The following MPV17L variants were observed in gnomAD, a reference collection of about 807,000 sequenced individuals.
The protein encoded by MPV17L is MPV17 mitochondrial inner membrane protein like.
Under a neutral mutation model 25.8 loss-of-function variants are expected in MPV17L, and 24 were observed. The observed-to-expected ratio is 0.93, with a 90% CI of 0.67 to 1.31. The LOEUF (loss-of-function observed/expected upper bound fraction) is 1.31. Among genes scored for constraint, MPV17L ranks in the 50% most tolerant of loss-of-function variants. The probability of loss-of-function intolerance (pLI) is 0.00; values close to 1 mark genes in which losing one functional copy is unlikely to be tolerated. For missense variants in MPV17L, 250 were observed against 265.6 expected, an observed-to-expected ratio of 0.94 and a Z score of 0.41; for synonymous variants, 102 against 115.3, an observed-to-expected ratio of 0.88 and a Z score of 0.74.
At position 15,408,811 on chromosome 16, in the gene MPV17L, GTC is replaced by G. The variant is rs1433933367; in HGVS notation, c.*702_*703del. On this transcript the variant is annotated 3_prime_UTR_variant, in exon 4 of 4. Transcript: ENST00000396385. ...CATTTGCTTTTGTTTTTGACACAGA[GTC>G]TCGCTCTGTCGCCCAGGCTGGAATG... 1 of 151,806 alleles carries G rather than the reference GTC, an allele frequency of 6.6e-6. No homozygotes were observed. Among genetic ancestry groups the G allele is most frequent in the African/African-American group, 2.4e-5 (1 of 41,302 alleles). 9.4% of individuals were successfully genotyped at this position (151,806 alleles called of 1,614,324 possible).
At position 15,411,248 on chromosome 16, in the gene MPV17L, CAAAA is replaced by C. The variant is rs1355059610; in HGVS notation, c.*3139_*3142del. On this transcript the variant is annotated 3_prime_UTR_variant, in exon 4 of 4. Coordinates refer to ENST00000396385, the MANE Select transcript of MPV17L (RefSeq NM_001128423.2). Reference sequence around the variant, plus strand: ...ATCTGTCTCAAAACAAACAAACAAACAAAAAACTGTACCCAAGTTAATTATAAGT... The same window carrying C: ...ATCTGTCTCAAAACAAACAAACAAACAACTGTACCCAAGTTAATTATAAGT... The C allele has an allele frequency of 6.6e-6, 1 of 152,312 alleles. No individual in the cohort carries two copies. Among genetic ancestry groups the C allele is most frequent in the Non-Finnish European group, 1.5e-5 (1 of 68,218 alleles). 9.4% of individuals were successfully genotyped at this position (152,312 alleles called of 1,614,324 possible). A position where few individuals can be genotyped will look rare whatever the true frequency, so the allele number is the denominator to read the frequency against.
intron 2 of MPV17L, among the ~76,000 whole-genome samples, chr16:15,405,675 G>A (rs1374776227): frequency 1.3e-5 from 2 of 151,436 alleles, no homozygotes; most frequent in South Asian, 2.1e-4. Context: ...TCAAACTCAC[G>A]ACTTCAGGTG....
In MPV17L at chr16:15,409,728, GTC is replaced by G. The variant is rs1231631803; in HGVS notation, c.*1619_*1620del. 1.3e-5 allele frequency: 2 copies of G among 152,184 alleles called. No homozygotes were observed. The highest frequency in any genetic ancestry group is 2.9e-5 in the Non-Finnish European group (2 of 68,054). 9.4% of individuals were successfully genotyped at this position (152,184 alleles called of 1,614,324 possible). On this transcript the variant is annotated 3_prime_UTR_variant, in exon 4 of 4. Coordinates refer to ENST00000396385, the MANE Select transcript of MPV17L (RefSeq NM_001128423.2). ...CCTCTTCACACGGACACGTGAGACA[GTC>G]TCCAACTCCTGGCCTCAACTGATCC... is the stretch of plus-strand genomic sequence containing the variant.
intron 3 of MPV17L, 38 bp from the exon 4 acceptor site, chr16:15,407,895 T>C (rs749554728): frequency 6.2e-7 from 1 of 1,613,540 alleles, no homozygotes; most frequent in Non-Finnish European, 8.5e-7. Flanking sequence ...AGGGCTTTGG[T>C]TTCCATGTGG....
At chr16:15,406,913 G>A (rs1477879946) in intron 2 of MPV17L, among the ~76,000 whole-genome samples, 1 of 151,832 alleles carries the variant, frequency 6.6e-6, no homozygotes, top group African/African-American at 2.4e-5. Context: ...GCGACAGAAT[G>A]AGATTCCATC....
In MPV17L at chr16:15,395,821, G is replaced by A. The variant is rs2050572710; in HGVS notation, c.-77G>A. ...CTGCTGCAGTGCAGTAGCTGCTGGA[G>A]GCTGGGGAGGCCCGGACCCGGTGCA... On this transcript the variant is annotated 5_prime_UTR_variant, in exon 1 of 4. Transcript: ENST00000396385. The A allele has an allele frequency of 1.6e-6, 2 of 1,284,156 alleles. No homozygotes were observed. Among genetic ancestry groups the A allele is most frequent in the South Asian group, 1.8e-5 (1 of 54,126 alleles). 79.5% of individuals were successfully genotyped at this position (1,284,156 alleles called of 1,614,324 possible).
chr16:15,402,542 T>G (rs2050646809), intron 2 of MPV17L, among the ~76,000 whole-genome samples: 1 of 132,062 alleles, frequency 7.6e-6, no homozygotes, highest in South Asian at 2.7e-4. Flanking sequence ...CCCCTGAGCC[T>G]CTATACTCAG....
At chr16:15,397,039 T>A (rs572752682) in intron 1 of MPV17L, among the ~76,000 whole-genome samples, 2 of 151,394 alleles carry the variant, frequency 1.3e-5, no homozygotes, top group Non-Finnish European at 2.9e-5. Flanking sequence ...CCTTAACGAG[T>A]CACAAAGGAC....
chr16:15,398,558 G>A lies in MPV17L; in HGVS notation c.311-2229G>A, dbSNP rs184390435. 7.3e-5 allele frequency among the ~76,000 whole-genome samples: 11 copies of A among 150,936 alleles called. No individual in the cohort carries two copies. The Admixed American group carries it at 7.3e-4, about 10-fold the overall frequency. ...AGATTCCTGGCCAGATTGCAGCTTTGCTTTGGTCTTCAGTTTTTCTTTTCT... is the reference window on the plus strand; with the variant it reads ...AGATTCCTGGCCAGATTGCAGCTTTACTTTGGTCTTCAGTTTTTCTTTTCT... On this transcript the variant is annotated intron_variant, in intron 1 of 3. Transcript: ENST00000396385.
At position 15,408,717 on chromosome 16, in the gene MPV17L, C is replaced by T. The variant is rs886834336; in HGVS notation, c.*605C>T. 6.6e-6 allele frequency: 1 copy of T among 151,318 alleles called. No individual in the cohort carries two copies. The highest frequency in any genetic ancestry group is 1.5e-5 in the Non-Finnish European group (1 of 68,008). 9.4% of individuals were successfully genotyped at this position (151,318 alleles called of 1,614,324 possible). A position where few individuals can be genotyped will look rare whatever the true frequency, so the allele number is the denominator to read the frequency against. ...CTCTGGGTTCAAGCAATTCTCCTGC[C>T]TCAGGCTCCTGAGTAGCTGGGATTA... On this transcript the variant is annotated 3_prime_UTR_variant, in exon 4 of 4. Coordinates refer to ENST00000396385, the MANE Select transcript of MPV17L (RefSeq NM_001128423.2).
intron 1 of MPV17L, among the ~76,000 whole-genome samples, chr16:15,398,984 T>C (rs1297207256): frequency 2.0e-5 from 3 of 152,064 alleles, no homozygotes; most frequent in Non-Finnish European, 4.4e-5. Flanking sequence ...TGCGTAAGGC[T>C]TTACATGGAA....
intron 2 of MPV17L, among the ~76,000 whole-genome samples, chr16:15,406,213 C>CAT (rs1186981068): frequency 8.6e-5 from 13 of 151,570 alleles, no homozygotes; most frequent in Non-Finnish European, 4.4e-5. Context: ...TATACATACA[C>CAT]ATATACGTAT....
chr16:15,404,192 G>T (rs2050662482), intron 2 of MPV17L, among the ~76,000 whole-genome samples: 1 of 152,198 alleles, frequency 6.6e-6, no homozygotes. Context: ...GCTGAGTACA[G>T]TTGACAATGC....
chr16:15,395,921 G>T lies in MPV17L; in HGVS notation c.24G>T (p.Leu8Phe). 7.0e-7 allele frequency: 1 copy of T among 1,430,732 alleles called. No individual in the cohort carries two copies. The allele number at this position is 1,430,732 out of a possible 1,614,324, so 88.6% of individuals were successfully genotyped here. Reference sequence around the variant, plus strand: ...ACATGGCGGGCTGGTGGCCGGCGTTGTCGCGCGCGGCCCGGCGCCACCCGT... The same window carrying T: ...ACATGGCGGGCTGGTGGCCGGCGTTTTCGCGCGCGGCCCGGCGCCACCCGT... Reference protein sequence around the residue: MAGWWPALSRAARRHPWP... With the variant: MAGWWPAFSRAARRHPWP... The change falls in exon 1 of 4, where the codon TTG becomes TTT. Residue 8 changes from leucine to phenylalanine, a missense_variant. Physicochemically the swap from Leu to Phe is conservative, Grantham distance 22. Coordinates refer to ENST00000396385, the MANE Select transcript of MPV17L (RefSeq NM_001128423.2).
intron 2 of MPV17L, among the ~76,000 whole-genome samples, chr16:15,405,561 G>A (rs2050673581): frequency 6.6e-6 from 1 of 150,574 alleles, no homozygotes. Flanking sequence ...CGACTCTCCT[G>A]CCTCAGCCTC....
At chr16:15,400,085 G>A (rs982580053) in intron 1 of MPV17L, among the ~76,000 whole-genome samples, 2 of 152,274 alleles carry the variant, frequency 1.3e-5, no homozygotes, top group African/African-American at 4.8e-5. Flanking sequence ...TTACAGGCAT[G>A]AGCCACGCGC....
At position 15,396,091 on chromosome 16, in the gene MPV17L, T is replaced by A; in HGVS notation, c.194T>A (p.Val65Glu). The A allele has an allele frequency of 6.5e-7, 1 of 1,545,458 alleles. No homozygotes were observed. Among genetic ancestry groups the A allele is most frequent in the Non-Finnish European group, 8.7e-7 (1 of 1,147,566 alleles). The change falls in exon 1 of 4, where the codon GTG becomes GAG. Residue 65 changes from valine to glutamate, a missense_variant. By Grantham distance (121) the Val-to-Glu change is moderately radical. Coordinates refer to ENST00000396385, the MANE Select transcript of MPV17L (RefSeq NM_001128423.2). ...ACCTTCCACGCCAACTTCAACTACGTGTGGCTGCGCCTGCTGGAGCGCGCG... is the reference window on the plus strand; with the variant it reads ...ACCTTCCACGCCAACTTCAACTACGAGTGGCTGCGCCTGCTGGAGCGCGCG... Reference protein sequence around the residue: ...VVTFHANFNYVWLRLLERALP... With the variant: ...VVTFHANFNYEWLRLLERALP...
intron 2 of MPV17L, among the ~76,000 whole-genome samples, chr16:15,402,328 G>A (rs2150906064): frequency 6.6e-6 from 1 of 152,280 alleles, no homozygotes; most frequent in Non-Finnish European, 1.5e-5. Context: ...ATCACAAGGA[G>A]GTAAATCTTT....
chr16:15,400,238 T>C (rs372814467), intron 1 of MPV17L, among the ~76,000 whole-genome samples: 1 of 152,336 alleles, frequency 6.6e-6, no homozygotes, highest in Middle Eastern at 3.4e-3. Flanking sequence ...GAATTGTTAG[T>C]TTTTGAAAAA....
Sources: gnomAD v4.1 joint callset for allele counts (sites outside exome capture counted in the v4.1 genomes callset) on GRCh38, gnomAD v4.1.1 for gene constraint, MANE v1.5 for transcripts, NCBI Gene and HGNC (gene_info 2026-07-23, HGNC 2026-07-21) for gene names.